The following TRIM3 variants were observed in gnomAD, a reference collection of about 807,000 sequenced individuals.
TRIM3 encodes tripartite motif-containing protein 3.
Under a neutral mutation model 66.6 loss-of-function variants are expected in TRIM3, and 13 were observed. The ratio of observed to expected loss-of-function variants is 0.20; its 90% CI spans 0.13 to 0.31. The LOEUF is 0.31. Among genes scored for constraint, TRIM3 ranks in the 10% least tolerant of loss-of-function variants. TRIM3 has a pLI of 1.00. For synonymous variants in TRIM3, 406 were observed against 411.7 expected (o/e 0.99, Z 0.17); for missense variants, 711 against 1,020.4 (o/e 0.70, Z 4.13).
At chr11:6,452,727 T>C (rs1333835407) in intron 7 of TRIM3, 1 of 152,180 alleles carries the variant, frequency 6.6e-6, no homozygotes, top group East Asian at 1.9e-4. Flanking sequence ...AGCTAAATAG[T>C]AGAAGTGAGG....
At position 6,458,261 on chromosome 11, in the gene TRIM3, G is replaced by A. The variant is rs1850082907; in HGVS notation, c.167C>T (p.Thr56Met). ...LQNYIPAQSL[T>M]LSCPVCRQTS... ...CTGCCGGCATACTGGACAGGATAGCGTCAGGCTCTGGGCAGGGATATAGTT... is the reference window on the plus strand; with the variant it reads ...CTGCCGGCATACTGGACAGGATAGCATCAGGCTCTGGGCAGGGATATAGTT... Residue 56 changes from threonine to methionine, a missense_variant, in exon 3 of 12, where the codon ACG (threonine) becomes ATG (methionine). By Grantham distance (81) the Thr-to-Met change is moderately conservative. Coordinates refer to ENST00000345851, the MANE Select transcript of TRIM3 (RefSeq NM_033278.4). The surrounding 1 kb of genome is among the most constrained non-coding windows in gnomAD (Gnocchi z 6.2). The A allele has an allele frequency of 2.5e-6, 4 of 1,614,048 alleles. No homozygotes were observed. Among genetic ancestry groups the A allele is most frequent in the South Asian group, 1.1e-5 (1 of 91,094 alleles).
chr11:6,469,912 A>G (rs1418816246), intron 1 of TRIM3, among the ~76,000 whole-genome samples: 1 of 152,190 alleles, frequency 6.6e-6, no homozygotes, highest in East Asian at 1.9e-4. Flanking sequence ...GATGAGTTAC[A>G]GAGAGTATGG....
Position 6,473,902 on chromosome 11 carries a change from C to T in TRIM3, c.-149G>A, listed in dbSNP as rs1258995072. ...CGCCCGGCCCTGCCCGCGCCTCCGC[C>T]TGTCCCCGCGCCGGCGCCGCCGCCG... On this transcript the variant is annotated 5_prime_UTR_variant, in exon 1 of 12. Coordinates refer to ENST00000345851, the MANE Select transcript of TRIM3 (RefSeq NM_033278.4). 2.6e-5 allele frequency: 4 copies of T among 152,184 alleles called. No homozygotes were observed. The highest frequency in any genetic ancestry group is 9.7e-5 in the African/African-American group (4 of 41,382). 9.4% of individuals were successfully genotyped at this position (152,184 alleles called of 1,614,324 possible).
Position 6,449,186 on chromosome 11 carries a change from G to C in TRIM3, c.2083-6C>G, listed in dbSNP as rs779797530. 1.1e-5 allele frequency: 18 copies of C among 1,613,748 alleles called. No individual in the cohort carries two copies. Among genetic ancestry groups the C allele is most frequent in the Non-Finnish European group, 1.5e-5 (18 of 1,179,750 alleles). On this transcript the variant is annotated splice_polypyrimidine_tract_variant and splice_region_variant and intron_variant, in intron 11 of 11. Transcript: ENST00000345851. This position sits in a 1 kb window ranked among gnomAD's most constrained non-coding sequence, Gnocchi z 5.3. ...GAGCCAGAGCTGTCGAATACCTGGG[G>C]AAGGAGTGCAGAAAGGAGGGAGAGG...
rs925343224 is a variant in TRIM3, at chr11:6,449,812, G to T, written c.1942-366C>A. 1 of 226,128 alleles carries T rather than the reference G, an allele frequency of 4.4e-6. No homozygotes were observed. Among genetic ancestry groups the T allele is most frequent in the African/African-American group, 2.3e-5 (1 of 43,870 alleles). 14.0% of individuals were successfully genotyped at this position (226,128 alleles called of 1,614,324 possible). Reference sequence around the variant, plus strand: ...ATTCCATCTCAAATCCCTCTCTCAAGTCTATACCCTATGCATACACTGTCT... The same window carrying T: ...ATTCCATCTCAAATCCCTCTCTCAATTCTATACCCTATGCATACACTGTCT... On this transcript the variant is annotated intron_variant, in intron 10 of 11. Coordinates refer to ENST00000345851, the MANE Select transcript of TRIM3 (RefSeq NM_033278.4). This position sits in a 1 kb window ranked among gnomAD's most constrained non-coding sequence, Gnocchi z 5.3.
At chr11:6,464,572 C>A (rs1490544535) in intron 2 of TRIM3, among the ~76,000 whole-genome samples, 1 of 152,214 alleles carries the variant, frequency 6.6e-6, no homozygotes, top group Non-Finnish European at 1.5e-5. Flanking sequence ...ACTGTTAGCT[C>A]TTTAAGAGTA....
At chr11:6,470,098 T>C (rs902129554) in intron 1 of TRIM3, among the ~76,000 whole-genome samples, 1 of 152,176 alleles carries the variant, frequency 6.6e-6, no homozygotes, top group African/African-American at 2.4e-5. Context: ...AGGAAAACTT[T>C]GGTAGTGGTG....
intron 2 of TRIM3, among the ~76,000 whole-genome samples, chr11:6,464,046 G>C (rs1850347799): frequency 6.6e-6 from 1 of 152,174 alleles, no homozygotes; most frequent in Non-Finnish European, 1.5e-5. Flanking sequence ...AGAAGACCTA[G>C]GGACCAGGCC....
In TRIM3 at chr11:6,463,561, A is replaced by C. The variant is rs546156881; in HGVS notation, c.131+2004T>G. Among the ~76,000 whole-genome samples, 15 of 152,360 alleles carry C rather than the reference A, an allele frequency of 9.8e-5. No homozygotes were observed. The South Asian group carries it at 3.1e-3, about 32-fold the overall frequency. ...GGAACTGCAGGGGAGCCAGTCGGTC[A>C]GCCACAGGGTCCAGGATGGGCAGGA... On this transcript the variant is annotated intron_variant, in intron 2 of 11. Transcript: ENST00000345851.
At chr11:6,461,473 A>C (rs915871027) in intron 2 of TRIM3, among the ~76,000 whole-genome samples, 8 of 150,222 alleles carry the variant, frequency 5.3e-5, no homozygotes, top group East Asian at 2.0e-4. Flanking sequence ...CTCTTCTTCC[A>C]TTACCCCCCG....
intron 7 of TRIM3, among the ~76,000 whole-genome samples, chr11:6,453,487 G>T (rs913743144): frequency 1.3e-5 from 2 of 152,108 alleles, no homozygotes. Flanking sequence ...CAGTCTAGTG[G>T]GGGAGAAAGA....
intron 2 of TRIM3, 122 bp downstream of exon 2, chr11:6,465,443 G>A: frequency 8.0e-7 from 1 of 1,254,740 alleles, no homozygotes; most frequent in Non-Finnish European, 1.1e-6. Context: ...CTCCTCCCAG[G>A]TAAGCATGTT....
At chr11:6,454,355 T>A (rs1849875637) in intron 7 of TRIM3, among the ~76,000 whole-genome samples, 1 of 148,346 alleles carries the variant, frequency 6.7e-6, no homozygotes, top group African/African-American at 2.5e-5. Flanking sequence ...CATAGCACTG[T>A]ACTCCAGCCT....
intron 2 of TRIM3, among the ~76,000 whole-genome samples, chr11:6,459,400 G>C (rs531416855): frequency 6.6e-6 from 1 of 152,326 alleles, no homozygotes; most frequent in African/African-American, 2.4e-5. Flanking sequence ...TGTGGGGAGT[G>C]AATTTAAAGG....
At chr11:6,468,183 G>A (rs978527318) in intron 1 of TRIM3, among the ~76,000 whole-genome samples, 8 of 152,178 alleles carry the variant, frequency 5.3e-5, no homozygotes, top group African/African-American at 1.9e-4. Flanking sequence ...GGTGTGAGAG[G>A]GATGTCAATT....
In TRIM3 at chr11:6,456,219, G is replaced by A. The variant is rs867396105; in HGVS notation, c.1430-44C>T. 6.2e-7 allele frequency: 1 copy of A among 1,609,806 alleles called. No individual in the cohort carries two copies. The highest frequency in any genetic ancestry group is 2.2e-5 in the East Asian group (1 of 44,780). ...GGGAAAACAAAATAATTCATTCAGAGGTCATCTTGAACCTCCCTTCCCTCC... is the reference window on the plus strand; with the variant it reads ...GGGAAAACAAAATAATTCATTCAGAAGTCATCTTGAACCTCCCTTCCCTCC... On this transcript the variant is annotated intron_variant, in intron 6 of 11. Transcript: ENST00000345851. This position sits in a 1 kb window ranked among gnomAD's most constrained non-coding sequence, Gnocchi z 6.4.
Position 6,457,857 on chromosome 11 carries a change from A to T in TRIM3, c.364-10T>A. ...AGTAAAACTCCATCGTCTGCGGTACAAGGACTCCAGTCGGGTAATGGCTAG... is the reference window on the plus strand; with the variant it reads ...AGTAAAACTCCATCGTCTGCGGTACTAGGACTCCAGTCGGGTAATGGCTAG... On this transcript the variant is annotated splice_polypyrimidine_tract_variant and intron_variant, in intron 3 of 11. Coordinates refer to ENST00000345851, the MANE Select transcript of TRIM3 (RefSeq NM_033278.4). This position sits in a 1 kb window ranked among gnomAD's most constrained non-coding sequence, Gnocchi z 4.5. 1 of 1,614,062 alleles carries T rather than the reference A, an allele frequency of 6.2e-7. No homozygotes were observed.
At position 6,457,129 on chromosome 11, in the gene TRIM3, G is replaced by A. The variant is rs1001438166; in HGVS notation, c.697-100C>T. The A allele has an allele frequency of 6.6e-7, 1 of 1,524,254 alleles. No individual in the cohort carries two copies. The highest frequency in any genetic ancestry group is 1.3e-5 in the South Asian group (1 of 79,962). 94.4% of individuals were successfully genotyped at this position (1,524,254 alleles called of 1,614,324 possible). A position where few individuals can be genotyped will look rare whatever the true frequency, so the allele number is the denominator to read the frequency against. ...ACTGTGGCATAAAATACAAGAGGGT[G>A]CCTGTGGACAGAGGACACAGATGCC... On this transcript the variant is annotated intron_variant, in intron 5 of 11. Transcript: ENST00000345851. This position sits in a 1 kb window ranked among gnomAD's most constrained non-coding sequence, Gnocchi z 4.5.
rs758391984 is a variant in TRIM3 at position 6,456,498 on chromosome 11, G to A, written c.1228C>T (p.Arg410Cys). 25 of 1,573,650 alleles carry A rather than the reference G, an allele frequency of 1.6e-5. No homozygotes were observed. In the South Asian group the frequency reaches 2.5e-4, roughly 16 times the overall value. ...GCACGCACGCGGAAGGGGCTGCCGC[G>A]CACTGGCTGTCCGTAGAGCAGCACC... ...LSVLLYGQPV[R>C]GSPFRVRALR... is the part of the protein sequence containing the mutation. Residue 410 changes from arginine to cysteine, a missense_variant, in exon 6 of 12, where the codon CGC (arginine) becomes TGC (cysteine). By Grantham distance (180) the Arg-to-Cys change is radical (BLOSUM62 -3). Coordinates refer to ENST00000345851, the MANE Select transcript of TRIM3 (RefSeq NM_033278.4). The surrounding 1 kb of genome is among the most constrained non-coding windows in gnomAD (Gnocchi z 6.4).
Sources: allele counts gnomAD v4.1 joint callset (sites outside exome capture counted in the v4.1 genomes callset), GRCh38; gene constraint gnomAD v4.1.1; non-coding constraint Gnocchi (gnomAD v3.1); transcripts MANE v1.5; gene names NCBI Gene and HGNC (gene_info 2026-07-23, HGNC 2026-07-21).